HSD17B3: variants seen among roughly 807,000 people sequenced by gnomAD.
The protein encoded by HSD17B3 is 17-beta-hydroxysteroid dehydrogenase type 3.
A neutral mutation model predicts 41.1 loss-of-function variants in HSD17B3; 29 were observed. The observed-to-expected ratio is 0.71, with a 90% CI of 0.53 to 0.96. The LOEUF is 0.96. Among genes scored for constraint, HSD17B3 ranks in the 40% least tolerant of loss-of-function variants. The pLI is 0.00. For missense variants in HSD17B3, 323 were observed against 374.6 expected (o/e 0.86, Z 1.14); for synonymous variants, 126 against 145.6 (o/e 0.87, Z 0.97).
At chr9:96,276,430 G>T (rs1826462169) in intron 2 of HSD17B3, among the ~76,000 whole-genome samples, 1 of 152,034 alleles carries the variant, frequency 6.6e-6, no homozygotes, top group Admixed American at 6.6e-5. Flanking sequence ...AACCACAAAA[G>T]ATCACAAATA....
chr9:96,272,594 G>A (rs1826308920), intron 2 of HSD17B3, among the ~76,000 whole-genome samples: 2 of 150,190 alleles, frequency 1.3e-5, no homozygotes, highest in Admixed American at 6.7e-5. Context: ...TGAGGATGTG[G>A]GGAAAATGGA....
intron 6 of HSD17B3, among the ~76,000 whole-genome samples, chr9:96,248,843 A>C (rs1418585256): frequency 1.3e-5 from 2 of 152,126 alleles, no homozygotes; most frequent in Non-Finnish European, 2.9e-5. Flanking sequence ...ATCTTTGTGC[A>C]GCTGACCCTC....
At chr9:96,263,585 C>A (rs1431315837) in intron 2 of HSD17B3, among the ~76,000 whole-genome samples, 2 of 151,496 alleles carry the variant, frequency 1.3e-5, no homozygotes, top group African/African-American at 4.9e-5. Context: ...ATCAAAAAGC[C>A]AGGCGTGGTG....
rs12686518 is a variant in HSD17B3, at chr9:96,285,473, T to G, written c.201+12943A>C. Among the ~76,000 whole-genome samples the G allele has an allele frequency of 1.3e-3, 205 of 152,082 alleles. 1 individual carries two copies. Among genetic ancestry groups the G allele is most frequent in the African/African-American group, 4.7e-3 (193 of 41,502 alleles). On this transcript the variant is annotated intron_variant, in intron 2 of 10. Coordinates refer to ENST00000375263, the MANE Select transcript of HSD17B3 (RefSeq NM_000197.2). Reference sequence around the variant, plus strand: ...AATCAGTCCTCTAATTCTGGGAACATTGGAATCAGCTAGCAACCCCGTATC... The same window carrying G: ...AATCAGTCCTCTAATTCTGGGAACAGTGGAATCAGCTAGCAACCCCGTATC...
Position 96,252,893 on chromosome 9 carries a change from T to C in HSD17B3, c.295A>G (p.Ser99Gly). 1 of 1,610,662 alleles carries C rather than the reference T, an allele frequency of 6.2e-7. No individual in the cohort carries two copies. The highest frequency in any genetic ancestry group is 8.5e-7 in the Non-Finnish European group (1 of 1,177,034). The change falls in exon 4 of 11, where the codon AGT becomes GGT. Residue 99 changes from serine (S) to glycine (G), a missense_variant. By Grantham distance (56) the Ser-to-Gly change is moderately conservative (BLOSUM62 0). Coordinates refer to ENST00000375263, the MANE Select transcript of HSD17B3 (RefSeq NM_000197.2). The part of the protein sequence containing the change: ...ATEIERTTGR[S>G]VKIIQADFTK... ...AAATCTGCTTGTATAATCTTCACACTCCTCCCTGTAGTCCGCTCTACACGA... is the reference window on the plus strand; with the variant it reads ...AAATCTGCTTGTATAATCTTCACACCCCTCCCTGTAGTCCGCTCTACACGA...
intron 4 of HSD17B3, among the ~76,000 whole-genome samples, chr9:96,252,406 G>T (rs966783132): frequency 6.6e-6 from 1 of 152,020 alleles, no homozygotes; most frequent in African/African-American, 2.4e-5. Context: ...AGCTGGGCAT[G>T]GTAGCAGGCG....
chr9:96,244,060 C>A (rs906120390), intron 9 of HSD17B3, among the ~76,000 whole-genome samples: 3 of 152,232 alleles, frequency 2.0e-5, no homozygotes, highest in Non-Finnish European at 4.4e-5. Context: ...CACAGCATTT[C>A]TGAGCAGCCA....
At position 96,244,367 on chromosome 9, in the gene HSD17B3, G is replaced by T; in HGVS notation, c.634C>A (p.Leu212Met). 2 of 1,614,174 alleles carry T rather than the reference G, an allele frequency of 1.2e-6. No homozygotes were observed. The highest frequency in any genetic ancestry group is 1.7e-6 in the Non-Finnish European group (2 of 1,180,028). The stretch of plus-strand genomic sequence containing the variant: ...TCTTTTGCTTTATATTCCTCTTGCA[G>T]GGCCTTGGAAAATGCGCACACAAAC... Reference protein sequence around the residue: ...KAFVCAFSKALQEEYKAKEVI... With the variant: ...KAFVCAFSKAMQEEYKAKEVI... The change falls in exon 9 of 11, where the codon CTG becomes ATG. Residue 212 changes from leucine (L) to methionine (M), a missense_variant. Leu to Met is a conservative substitution (Grantham distance 15, BLOSUM62 2). Coordinates refer to ENST00000375263, the MANE Select transcript of HSD17B3 (RefSeq NM_000197.2).
At chr9:96,269,048 C>T (rs1026900436) in intron 2 of HSD17B3, among the ~76,000 whole-genome samples, 5 of 151,472 alleles carry the variant, frequency 3.3e-5, no homozygotes, top group South Asian at 2.1e-4. Flanking sequence ...GCAGTTTCAT[C>T]GTGCCAACAT....
At chr9:96,249,039 G>C (rs1408154177) in intron 6 of HSD17B3, among the ~76,000 whole-genome samples, 1 of 152,028 alleles carries the variant, frequency 6.6e-6, no homozygotes, top group Non-Finnish European at 1.5e-5. Flanking sequence ...CTGAGTAGCT[G>C]GGATTACAGG....
chr9:96,247,786 G>T (rs754127928), intron 6 of HSD17B3, among the ~76,000 whole-genome samples: 2 of 152,118 alleles, frequency 1.3e-5, no homozygotes, highest in Admixed American at 6.5e-5. Flanking sequence ...GTGGGTCCCC[G>T]CCTCAAGGCT....
intron 2 of HSD17B3, among the ~76,000 whole-genome samples, chr9:96,283,180 C>T (rs534882299): frequency 5.5e-4 from 84 of 151,644 alleles, no homozygotes; most frequent in African/African-American, 2.0e-3. Flanking sequence ...TAACTTTGTA[C>T]TTTTAGTAGA....
intron 2 of HSD17B3, among the ~76,000 whole-genome samples, chr9:96,293,722 A>C (rs375944): frequency 0.39 from 59,711 of 151,822 alleles, 12,213 homozygotes; most frequent in African/African-American, 0.49. Context: ...AACCATGACT[A>C]ATACATTCTC....
At chr9:96,255,434 G>T (rs546537193) in intron 2 of HSD17B3, among the ~76,000 whole-genome samples, 2 of 121,066 alleles carry the variant, frequency 1.7e-5, no homozygotes, top group South Asian at 2.8e-4. Flanking sequence ...CTGTTGCCCA[G>T]GCTGGAGTGC....
chr9:96,289,662 C>G (rs942942992), intron 2 of HSD17B3, among the ~76,000 whole-genome samples: 5 of 152,208 alleles, frequency 3.3e-5, no homozygotes, highest in Non-Finnish European at 5.9e-5. Context: ...TCAAGAGCCA[C>G]AGGCCTTTTA....
At chr9:96,292,930 A>G (rs2130792860) in intron 2 of HSD17B3, among the ~76,000 whole-genome samples, 1 of 152,354 alleles carries the variant, frequency 6.6e-6, no homozygotes, top group East Asian at 1.9e-4. Context: ...CAAATCCTGT[A>G]TCTAGCAAAA....
At chr9:96,296,921 T>C (rs1219490010) in intron 2 of HSD17B3, among the ~76,000 whole-genome samples, 2 of 151,768 alleles carry the variant, frequency 1.3e-5, no homozygotes, top group African/African-American at 2.4e-5. Context: ...GGAGGACACA[T>C]TGCTTCGGGA....
At chr9:96,242,016 G>GA (rs1554692413) in intron 9 of HSD17B3, among the ~76,000 whole-genome samples, 1 of 131,378 alleles carries the variant, frequency 7.6e-6, no homozygotes, top group Admixed American at 7.6e-5. Flanking sequence ...AGAAAGAAAA[G>GA]AAAGAAAAGA....
intron 2 of HSD17B3, among the ~76,000 whole-genome samples, chr9:96,257,447 T>C (rs1470832916): frequency 1.4e-5 from 2 of 145,680 alleles, no homozygotes; most frequent in Non-Finnish European, 3.0e-5. Flanking sequence ...CTTCTCTAAC[T>C]ATCTCTGCAT....
Sources: gnomAD v4.1 joint callset for allele counts (sites outside exome capture counted in the v4.1 genomes callset) on GRCh38, gnomAD v4.1.1 for gene constraint, MANE v1.5 for transcripts, NCBI Gene and HGNC (gene_info 2026-07-23, HGNC 2026-07-21) for gene names.